MYO3B: variants seen among roughly 807,000 people sequenced by gnomAD.
The protein encoded by MYO3B is myosin-IIIb.
A neutral mutation model predicts 174.6 loss-of-function variants in MYO3B; 156 were observed. That is an observed-to-expected ratio of 0.89 (90% CI 0.78 to 1.02). The LOEUF (loss-of-function observed/expected upper bound fraction) is 1.02. Among genes scored for constraint, MYO3B ranks in the 50% least tolerant of loss-of-function variants. The pLI is 0.00. For missense variants in MYO3B, 1,632 were observed against 1,639.4 expected (o/e 1.00, Z 0.08); for synonymous variants, 563 against 569.1 (o/e 0.99, Z 0.15).
At chr2:170,559,048 A>G (rs985859420) in intron 32 of MYO3B, among the ~76,000 whole-genome samples, 2 of 152,226 alleles carry the variant, frequency 1.3e-5, no homozygotes, top group African/African-American at 4.8e-5. Context: ...AGTTTTCTAC[A>G]GAGTTAATAT....
At chr2:170,391,302 A>T (rs757884076) in intron 14 of MYO3B, among the ~76,000 whole-genome samples, 1 of 152,188 alleles carries the variant, frequency 6.6e-6, no homozygotes, top group Non-Finnish European at 1.5e-5. Flanking sequence ...CCATTCTCTG[A>T]AACCTTTTGC....
At chr2:170,259,083 A>G (rs6707999) in intron 7 of MYO3B, among the ~76,000 whole-genome samples, 5,331 of 152,242 alleles carry the variant, frequency 0.035, 133 homozygotes, top group South Asian at 0.099. Flanking sequence ...AAATGGAAAA[A>G]CATTCCATGC....
intron 22 of MYO3B, among the ~76,000 whole-genome samples, chr2:170,428,495 T>C (rs1485269298): frequency 6.6e-6 from 1 of 152,244 alleles, no homozygotes; most frequent in Admixed American, 6.5e-5. Flanking sequence ...CCAACTTGCA[T>C]CTAGTTATTG....
chr2:170,448,766 A>C (rs1683407213), intron 23 of MYO3B, among the ~76,000 whole-genome samples: 1 of 150,260 alleles, frequency 6.7e-6, no homozygotes, highest in African/African-American at 2.4e-5. Flanking sequence ...AAACTCAAGA[A>C]CAACTAACAA....
In MYO3B at chr2:170,499,788, G is replaced by A. The variant is rs1032622034; in HGVS notation, c.3269G>A (p.Gly1090Glu). The change falls in exon 27 of 35, where the codon GGA becomes GAA. Residue 1090 changes from glycine to glutamate, a missense_variant. By Grantham distance (98) the Gly-to-Glu change is moderately conservative (BLOSUM62 -2). Transcript: ENST00000408978. The part of the protein sequence containing the change: ...YKRVREKREK[G>E]AIAIQSAWRG... ...AGGGTCAGAGAGAAGAGAGAGAAGG[G>A]AGCCATTGCCATCCAGTCAGGTAAA... is the stretch of plus-strand genomic sequence containing the variant. 1.2e-6 allele frequency: 2 copies of A among 1,613,666 alleles called. No individual in the cohort carries two copies. Among genetic ancestry groups the A allele is most frequent in the Non-Finnish European group, 1.7e-6 (2 of 1,179,850 alleles).
rs772733362 is a variant in MYO3B, at chr2:170,654,218, A to G, written c.*1097A>G. 2.0e-5 allele frequency: 3 copies of G among 152,158 alleles called. No homozygotes were observed. Among genetic ancestry groups the G allele is most frequent in the Non-Finnish European group, 4.4e-5 (3 of 68,024 alleles). 9.4% of individuals were successfully genotyped at this position (152,158 alleles called of 1,614,324 possible). A position where few individuals can be genotyped will look rare whatever the true frequency, so the allele number is the denominator to read the frequency against. On this transcript the variant is annotated 3_prime_UTR_variant, in exon 35 of 35. Coordinates refer to ENST00000408978, the MANE Select transcript of MYO3B (RefSeq NM_138995.5). ...TTCAGTATGACAAACTTTTTTGAGC[A>G]CCTACTTTATATAAAACATGACAAA...
At chr2:170,582,091 A>G (rs937428222) in intron 32 of MYO3B, among the ~76,000 whole-genome samples, 1 of 152,236 alleles carries the variant, frequency 6.6e-6, no homozygotes, top group African/African-American at 2.4e-5. Flanking sequence ...GGAAGAAAAA[A>G]ATAAATATCT....
intron 32 of MYO3B, among the ~76,000 whole-genome samples, chr2:170,638,474 G>A (rs563786719): frequency 5.3e-5 from 8 of 152,292 alleles, no homozygotes; most frequent in Middle Eastern, 3.4e-3. Context: ...TTGATTGGTC[G>A]TATTTAAATT....
At chr2:170,319,187 C>G (rs1429276634) in intron 7 of MYO3B, among the ~76,000 whole-genome samples, 8 of 152,108 alleles carry the variant, frequency 5.3e-5, no homozygotes, top group Admixed American at 5.2e-4. Flanking sequence ...GAGTTAGGCA[C>G]TTGTAGTATT....
At chr2:170,351,686 A>G (rs536175986) in intron 8 of MYO3B, among the ~76,000 whole-genome samples, 1 of 152,276 alleles carries the variant, frequency 6.6e-6, no homozygotes, top group East Asian at 1.9e-4. Context: ...CCTTTCAGTG[A>G]GCCTGCCAAC....
chr2:170,427,596 A>G (rs1439720958), intron 22 of MYO3B, among the ~76,000 whole-genome samples: 1 of 152,210 alleles, frequency 6.6e-6, no homozygotes, highest in Non-Finnish European at 1.5e-5. Flanking sequence ...ATGCTGGCCA[A>G]TTGGGCACAT....
intron 6 of MYO3B, among the ~76,000 whole-genome samples, chr2:170,220,591 T>C (rs1437441704): frequency 1.5e-5 from 2 of 134,620 alleles, no homozygotes; most frequent in Admixed American, 1.7e-4. Flanking sequence ...ATTGCACCAC[T>C]GCACTCCAGC....
rs544323312 is a variant in MYO3B, at chr2:170,584,348, C to A, written c.3733+40360C>A. Among the ~76,000 whole-genome samples the A allele has an allele frequency of 1.4e-4, 21 of 152,046 alleles. 1 individual carries two copies. Among genetic ancestry groups the A allele is most frequent in the African/African-American group, 3.9e-4 (16 of 41,462 alleles). On this transcript the variant is annotated intron_variant, in intron 32 of 34. Transcript: ENST00000408978. Reference sequence around the variant, plus strand: ...TAAGAGTAAAACAGGGTCTGTACACCCATCACCATTTTTATAAAGTATTTA... The same window carrying A: ...TAAGAGTAAAACAGGGTCTGTACACACATCACCATTTTTATAAAGTATTTA...
chr2:170,274,057 A>C (rs1027664157), intron 7 of MYO3B, among the ~76,000 whole-genome samples: 2 of 152,072 alleles, frequency 1.3e-5, no homozygotes, highest in African/African-American at 4.8e-5. Context: ...GCCATATTAG[A>C]CATATATCAG....
intron 9 of MYO3B, among the ~76,000 whole-genome samples, chr2:170,381,551 G>A (rs2094335462): frequency 6.6e-6 from 1 of 152,074 alleles, no homozygotes; most frequent in Non-Finnish European, 1.5e-5. Context: ...TCAATTATTT[G>A]GTATTTACTA....
chr2:170,635,165 A>T (rs1317013211), intron 32 of MYO3B, among the ~76,000 whole-genome samples: 1 of 152,256 alleles, frequency 6.6e-6, no homozygotes, highest in Admixed American at 6.5e-5. Flanking sequence ...ATGCACATGT[A>T]TGTTTATTGT....
At chr2:170,573,227 G>GTGTGTATATATATA (rs1446970724) in intron 32 of MYO3B, among the ~76,000 whole-genome samples, 12 of 46,440 alleles carry the variant, frequency 2.6e-4, no homozygotes, top group South Asian at 1.7e-3. Flanking sequence ...TATACTGTGT[G>GTGTGTATATATATA]TATATATATA....
intron 11 of MYO3B, among the ~76,000 whole-genome samples, chr2:170,383,463 G>T (rs1341875712): frequency 6.6e-6 from 1 of 152,200 alleles, no homozygotes; most frequent in East Asian, 1.9e-4. Flanking sequence ...GACAGGTACT[G>T]TTGTTAAACC....
chr2:170,546,597 A>C (rs1029109951), intron 32 of MYO3B, among the ~76,000 whole-genome samples: 2 of 152,248 alleles, frequency 1.3e-5, no homozygotes, highest in Non-Finnish European at 2.9e-5. Flanking sequence ...GTGAGAAAAC[A>C]CTATATGTAA....
Sources: gnomAD v4.1 joint callset for allele counts (sites outside exome capture counted in the v4.1 genomes callset) on GRCh38, gnomAD v4.1.1 for gene constraint, MANE v1.5 for transcripts, NCBI Gene and HGNC (gene_info 2026-07-23, HGNC 2026-07-21) for gene names.